The following FRMD4A variants were observed in gnomAD, a reference collection of about 807,000 sequenced individuals.
The protein encoded by FRMD4A is FERM domain-containing protein 4A.
In FRMD4A, 29 loss-of-function variants were observed where a neutral mutation model predicts 129.1. The ratio of observed to expected loss-of-function variants is 0.22; its 90% CI spans 0.17 to 0.31. The LOEUF is 0.31. Ranked by LOEUF, FRMD4A falls within the 10% of genes least tolerant of loss-of-function variation. The probability of loss-of-function intolerance (pLI) is 1.00; values close to 1 mark genes in which losing one functional copy is unlikely to be tolerated. For missense variants in FRMD4A, 1,272 were observed against 1,375.8 expected (o/e 0.92, Z 1.19); for synonymous variants, 634 against 571.6 (o/e 1.11, Z -1.56).
At position 13,953,999 on chromosome 10, in the gene FRMD4A, G is replaced by A. The variant is rs543658080; in HGVS notation, c.46-95087C>T. On this transcript the variant is annotated intron_variant, in intron 2 of 24. Transcript: ENST00000357447. ...TACAAAGAATCACCATAGGGCAGCA[G>A]CCGGTACTTATCCCTTCTCTACAAA... 6.2e-4 allele frequency among the ~76,000 whole-genome samples: 95 copies of A among 152,324 alleles called. 1 individual carries two copies. Among genetic ancestry groups the A allele is most frequent in the Non-Finnish European group, 7.5e-4 (51 of 68,022 alleles).
intron 2 of FRMD4A, among the ~76,000 whole-genome samples, chr10:14,252,121 A>C (rs1844461114): frequency 6.6e-6 from 1 of 152,214 alleles, no homozygotes; most frequent in African/African-American, 2.4e-5. Flanking sequence ...TAGATTCCTC[A>C]AATGTTAACA....
Position 13,884,212 on chromosome 10 carries a change from A to T in FRMD4A, c.46-25300T>A, listed in dbSNP as rs957339834. Among the ~76,000 whole-genome samples the T allele has an allele frequency of 1.4e-3, 117 of 84,924 alleles. 1 individual carries two copies. Among genetic ancestry groups the T allele is most frequent in the African/African-American group, 4.7e-3 (111 of 23,392 alleles). 55.7% of individuals were successfully genotyped at this position (84,924 alleles called of 152,430 possible). A position where few individuals can be genotyped will look rare whatever the true frequency, so the allele number is the denominator to read the frequency against. On this transcript the variant is annotated intron_variant, in intron 2 of 24. Transcript: ENST00000357447. ...CACACACACTCACACACACACTCACACACACACACACACACACACACACAC... is the reference window on the plus strand; with the variant it reads ...CACACACACTCACACACACACTCACTCACACACACACACACACACACACAC...
At chr10:13,740,614 T>A in intron 9 of FRMD4A, 37 bp from the exon 10 acceptor site, 1 of 1,097,584 alleles carries the variant, frequency 9.1e-7, no homozygotes, top group Non-Finnish European at 1.4e-6. Flanking sequence ...TGTTGGAGTC[T>A]CTAGGTCAAC....
At chr10:13,684,127 G>A (rs780676038) in intron 15 of FRMD4A, 43 of 157,894 alleles carry the variant, frequency 2.7e-4, no homozygotes, top group Middle Eastern at 3.2e-3. Context: ...GTTATCGGGA[G>A]GAAATGATCT....
intron 2 of FRMD4A, among the ~76,000 whole-genome samples, chr10:14,185,605 A>G (rs975250866): frequency 7.1e-6 from 1 of 141,824 alleles, no homozygotes; most frequent in African/African-American, 2.6e-5. Context: ...ACAGGTAGAG[A>G]GACAGAAAGG....
intron 8 of FRMD4A, among the ~76,000 whole-genome samples, chr10:13,753,541 A>T (rs76190280): frequency 6.5e-4 from 75 of 115,252 alleles, no homozygotes; most frequent in African/African-American, 8.3e-4. Context: ...GTACCTTTCT[A>T]TTTTTTTTTT....
chr10:13,746,629 T>C (rs1390110279), intron 9 of FRMD4A, among the ~76,000 whole-genome samples: 2 of 152,150 alleles, frequency 1.3e-5, no homozygotes. Flanking sequence ...AGTTCAGAAG[T>C]TGTCATCAAA....
At chr10:13,903,482 A>G (rs981378071) in intron 2 of FRMD4A, among the ~76,000 whole-genome samples, 1 of 152,256 alleles carries the variant, frequency 6.6e-6, no homozygotes, top group East Asian at 1.9e-4. Flanking sequence ...TAATTCCAGC[A>G]CTTTGGAAGG....
rs74125604 is a variant in FRMD4A, at chr10:14,251,575, C to T, written c.45+78483G>A. Among the ~76,000 whole-genome samples, 630 of 152,320 alleles carry T rather than the reference C, an allele frequency of 4.1e-3. 3 individuals are homozygous for T. Among genetic ancestry groups the T allele is most frequent in the African/African-American group, 0.015 (610 of 41,552 alleles). Reference sequence around the variant, plus strand: ...GATACTAAATGACTGTTATCTCAAGCCACTAAGTTTTGGGACAATATGTGA... The same window carrying T: ...GATACTAAATGACTGTTATCTCAAGTCACTAAGTTTTGGGACAATATGTGA... On this transcript the variant is annotated intron_variant, in intron 2 of 24. Transcript: ENST00000357447.
chr10:13,707,465 C>T (rs929874295), intron 12 of FRMD4A: 7 of 1,022,630 alleles, frequency 6.8e-6, no homozygotes, highest in Admixed American at 5.1e-5. Flanking sequence ...AGGTGGAGAC[C>T]GGGGAGAGGG....
At chr10:14,210,957 G>A (rs562212223) in intron 2 of FRMD4A, among the ~76,000 whole-genome samples, 1 of 152,118 alleles carries the variant, frequency 6.6e-6, no homozygotes, top group African/African-American at 2.4e-5. Flanking sequence ...TCGAAATCCT[G>A]ACCTTCTGAT....
intron 9 of FRMD4A, among the ~76,000 whole-genome samples, chr10:13,743,055 G>C (rs767295335): frequency 6.6e-6 from 1 of 152,094 alleles, no homozygotes; most frequent in Non-Finnish European, 1.5e-5. Flanking sequence ...GATAAAGAAG[G>C]GTCTTTATAA....
chr10:14,313,785 G>C (rs1276954834), intron 2 of FRMD4A, among the ~76,000 whole-genome samples: 1 of 152,154 alleles, frequency 6.6e-6, no homozygotes, highest in African/African-American at 2.4e-5. Flanking sequence ...ATAAAAGAAA[G>C]CATCTATCTC....
chr10:14,013,970 G>A (rs1298471403), intron 2 of FRMD4A, among the ~76,000 whole-genome samples: 1 of 152,146 alleles, frequency 6.6e-6, no homozygotes, highest in South Asian at 2.1e-4. Flanking sequence ...AAAGTCCAAG[G>A]CCAGCCCATG....
At position 13,890,926 on chromosome 10, in the gene FRMD4A, A is replaced by G. The variant is rs2094688172; in HGVS notation, c.46-32014T>C. 8.8e-6 allele frequency: 8 copies of G among 907,274 alleles called. No homozygotes were observed. The South Asian group carries it at 4.0e-4, about 46-fold the overall frequency. The allele number at this position is 907,274 out of a possible 1,614,324, so 56.2% of individuals were successfully genotyped here. A position where few individuals can be genotyped will look rare whatever the true frequency, so the allele number is the denominator to read the frequency against. On this transcript the variant is annotated intron_variant, in intron 2 of 24. Transcript: ENST00000357447. Reference sequence around the variant, plus strand: ...ATGTACGAACAGTTACTCTGCTAACAGGGTACTGGAGAAAAAGGCACCAAG... The same window carrying G: ...ATGTACGAACAGTTACTCTGCTAACGGGGTACTGGAGAAAAAGGCACCAAG...
chr10:13,904,417 C>T (rs929746468), intron 2 of FRMD4A, among the ~76,000 whole-genome samples: 1 of 152,212 alleles, frequency 6.6e-6, no homozygotes, highest in Non-Finnish European at 1.5e-5. Context: ...CGAGGTTCCC[C>T]TCTCCCATGC....
intron 2 of FRMD4A, among the ~76,000 whole-genome samples, chr10:14,231,582 T>G (rs141274546): frequency 0.072 from 10,989 of 152,170 alleles, 436 homozygotes; most frequent in Middle Eastern, 0.11. Flanking sequence ...TCCTGACCTT[T>G]TGATCCGCCC....
chr10:14,187,676 G>A (rs977600846), intron 2 of FRMD4A, among the ~76,000 whole-genome samples: 4 of 152,230 alleles, frequency 2.6e-5, no homozygotes, highest in Non-Finnish European at 5.9e-5. Flanking sequence ...AGCAACTTGG[G>A]AGGCTGGGGT....
At chr10:13,898,530 G>A (rs558350071) in intron 2 of FRMD4A, among the ~76,000 whole-genome samples, 198 of 152,340 alleles carry the variant, frequency 1.3e-3, no homozygotes, top group Admixed American at 2.7e-3. Flanking sequence ...GTGATTTTGT[G>A]TGTATGCCCA....
Sources: allele counts gnomAD v4.1 joint callset (sites outside exome capture counted in the v4.1 genomes callset), GRCh38; gene constraint gnomAD v4.1.1; transcripts MANE v1.5; gene names NCBI Gene and HGNC (gene_info 2026-07-23, HGNC 2026-07-21).